Variants in ZNF831 observed in about 807,000 individuals in gnomAD.
The protein encoded by ZNF831 is zinc finger protein 831.
A neutral mutation model predicts 95.8 loss-of-function variants in ZNF831; 59 were observed. That is an observed-to-expected ratio of 0.62 (90% CI 0.50 to 0.77). ZNF831 has a LOEUF of 0.77. Ranked by LOEUF, ZNF831 falls within the 30% of genes least tolerant of loss-of-function variation. The probability of loss-of-function intolerance (pLI) is 0.00; values close to 1 mark genes in which losing one functional copy is unlikely to be tolerated. For missense variants in ZNF831, 2,205 were observed against 2,164.0 expected (o/e 1.02, Z -0.38); for synonymous variants, 961 against 925.5 (o/e 1.04, Z -0.70).
In ZNF831 at chr20:59,191,683, G is replaced by A. The variant is rs1210778443; in HGVS notation, c.664G>A (p.Glu222Lys). The change falls in exon 2 of 6, where the codon GAG becomes AAG. Residue 222 changes from glutamate to lysine, a missense_variant. By Grantham distance (56) the Glu-to-Lys change is moderately conservative. Coordinates refer to ENST00000371030, the MANE Select transcript of ZNF831 (RefSeq NM_178457.3). ...CCTGGAGGAAGGGGACAAGGCCGGAGAGCCCCCCAGACCAGAGGGCAGGGG... is the reference window on the plus strand; with the variant it reads ...CCTGGAGGAAGGGGACAAGGCCGGAAAGCCCCCCAGACCAGAGGGCAGGGG... The part of the protein sequence containing the change: ...GLLEEGDKAG[E>K]PPRPEGRGES... 1.6e-5 allele frequency: 25 copies of A among 1,558,736 alleles called. No homozygotes were observed. Among genetic ancestry groups the A allele is most frequent in the South Asian group, 7.3e-5 (6 of 81,864 alleles).
chr20:59,250,432 C>T (rs924808695), intron 4 of ZNF831, among the ~76,000 whole-genome samples: 5 of 152,162 alleles, frequency 3.3e-5, no homozygotes, highest in Non-Finnish European at 7.3e-5. Context: ...ACAGGGCAAC[C>T]ACATAACCTA....
chr20:59,177,689 G>A (rs1056119990), intron 1 of ZNF831, among the ~76,000 whole-genome samples: 3 of 152,172 alleles, frequency 2.0e-5, no homozygotes, highest in African/African-American at 2.4e-5. Context: ...GGACGAGGAC[G>A]GTCTCTCCTG....
At chr20:59,142,536 G>A (rs1979715509) in intron 1 of ZNF831, among the ~76,000 whole-genome samples, 2 of 152,206 alleles carry the variant, frequency 1.3e-5, no homozygotes, top group Admixed American at 1.3e-4. Context: ...ACGTTAGGGT[G>A]CGCAGAACCT....
chr20:59,186,451 T>A (rs1983047703), intron 1 of ZNF831, among the ~76,000 whole-genome samples: 1 of 152,042 alleles, frequency 6.6e-6, no homozygotes, highest in South Asian at 2.1e-4. Context: ...ATGGAGCGCT[T>A]ACTCTGTGCT....
At chr20:59,209,673 T>C (rs1985155157) in intron 4 of ZNF831, among the ~76,000 whole-genome samples, 1 of 152,206 alleles carries the variant, frequency 6.6e-6, no homozygotes, top group African/African-American at 2.4e-5. Context: ...AACTGGATTC[T>C]CTCCCAGTTT....
intron 2 of ZNF831, among the ~76,000 whole-genome samples, chr20:59,195,535 C>T (rs886938146): frequency 2.6e-5 from 4 of 152,110 alleles, no homozygotes; most frequent in Admixed American, 2.6e-4. Context: ...GCGGGTTAGT[C>T]AGTAGGGCCC....
Position 59,191,719 on chromosome 20 carries a change from T to G in ZNF831, c.700T>G (p.Cys234Gly), listed in dbSNP as rs778980809. ...ACCAGAGGGCAGGGGCGAGAGCAGG[T>G]GCCAGGGGATGCACGAAGGCGCCTC... ...PRPEGRGESR[C>G]QGMHEGASER... Residue 234 changes from cysteine to glycine, a missense_variant, in exon 2 of 6, where the codon TGC becomes GGC. Transcript: ENST00000371030. 7.6e-6 allele frequency: 12 copies of G among 1,580,082 alleles called. No individual in the cohort carries two copies. The highest frequency in any genetic ancestry group is 9.5e-6 in the Non-Finnish European group (11 of 1,162,310).
intron 3 of ZNF831, 40 bp downstream of exon 3, chr20:59,196,045 C>CAAGAAG: frequency 6.2e-7 from 1 of 1,604,246 alleles, no homozygotes. Flanking sequence ...CACAAAACCC[C>CAAGAAG]AAGAAGAATT....
In ZNF831 at chr20:59,217,380, A is replaced by G. The variant is rs1052278684; in HGVS notation, c.4027+10324A>G. ...TCTCCTATTAACGAAGAGTTTGGTCATCACCAGTGTTTCACACTTGCATCA... is the reference window on the plus strand; with the variant it reads ...TCTCCTATTAACGAAGAGTTTGGTCGTCACCAGTGTTTCACACTTGCATCA... On this transcript the variant is annotated intron_variant, in intron 4 of 5. Transcript: ENST00000371030. This position sits in a 1 kb window ranked among gnomAD's most constrained non-coding sequence, Gnocchi z 4.4. 6.6e-6 allele frequency among the ~76,000 whole-genome samples: 1 copy of G among 152,262 alleles called. No individual in the cohort carries two copies. Among genetic ancestry groups the G allele is most frequent in the African/African-American group, 2.4e-5 (1 of 41,476 alleles).
chr20:59,173,094 G>C (rs1295679945), intron 1 of ZNF831, among the ~76,000 whole-genome samples: 1 of 152,162 alleles, frequency 6.6e-6, no homozygotes, highest in Non-Finnish European at 1.5e-5. Context: ...CAGGAAGTCT[G>C]GCCTCTGTGG....
intron 4 of ZNF831, among the ~76,000 whole-genome samples, chr20:59,209,671 TC>T (rs1391713391): frequency 6.6e-6 from 1 of 152,174 alleles, no homozygotes; most frequent in African/African-American, 2.4e-5. Flanking sequence ...AAAACTGGAT[TC>T]TCTCCCAGTT....
At chr20:59,207,167 G>C (rs2061241822) in intron 4 of ZNF831, 111 bp downstream of exon 4, 1 of 1,355,444 alleles carries the variant, frequency 7.4e-7, no homozygotes, top group Non-Finnish European at 1.0e-6. Context: ...TGCCACAGGG[G>C]TCAGGCCCAA....
intron 1 of ZNF831, among the ~76,000 whole-genome samples, chr20:59,135,029 C>T (rs1979459972): frequency 6.6e-6 from 1 of 152,028 alleles, no homozygotes. Flanking sequence ...CACCAGCTAC[C>T]CCAGCAGTCC....
At chr20:59,138,491 C>T (rs1029728208) in intron 1 of ZNF831, among the ~76,000 whole-genome samples, 1 of 152,226 alleles carries the variant, frequency 6.6e-6, no homozygotes, top group Non-Finnish European at 1.5e-5. Context: ...TGCACTCTTG[C>T]TTGCTCTCTG....
Position 59,192,776 on chromosome 20 carries a change from A to T in ZNF831, c.1757A>T (p.Asp586Val), listed in dbSNP as rs2146571468. 6.2e-7 allele frequency: 1 copy of T among 1,612,598 alleles called. No individual in the cohort carries two copies. Among genetic ancestry groups the T allele is most frequent in the South Asian group, 1.1e-5 (1 of 91,036 alleles). Residue 586 changes from aspartate to valine, a missense_variant, in exon 2 of 6, where the codon GAC becomes GTC. Asp to Val is a radical substitution (Grantham distance 152, BLOSUM62 -3). Coordinates refer to ENST00000371030, the MANE Select transcript of ZNF831 (RefSeq NM_178457.3). This position sits in a 1 kb window ranked among gnomAD's most constrained non-coding sequence, Gnocchi z 5.2. ...GCCCTGGTGCCCGCAGAGGACACAGACGCAAAGAGAACTGCTGCGCGGGAG... is the reference window on the plus strand; with the variant it reads ...GCCCTGGTGCCCGCAGAGGACACAGTCGCAAAGAGAACTGCTGCGCGGGAG... Reference protein sequence around the residue: ...GDALVPAEDTDAKRTAAREAM... With the variant: ...GDALVPAEDTVAKRTAAREAM...
At chr20:59,232,791 A>G (rs575319695) in intron 4 of ZNF831, among the ~76,000 whole-genome samples, 14 of 152,310 alleles carry the variant, frequency 9.2e-5, no homozygotes, top group Non-Finnish European at 1.9e-4. Flanking sequence ...GAGATGAGCC[A>G]CGGACCACAG....
intron 3 of ZNF831, among the ~76,000 whole-genome samples, chr20:59,204,534 G>C (rs1234319637): frequency 1.3e-5 from 2 of 152,164 alleles, no homozygotes; most frequent in African/African-American, 4.8e-5. Context: ...TCTTTGCTTT[G>C]TTCTTCTCTG....
intron 2 of ZNF831, among the ~76,000 whole-genome samples, chr20:59,157,502 A>G (rs1469675941): frequency 6.6e-6 from 1 of 152,148 alleles, no homozygotes; most frequent in East Asian, 1.9e-4. Context: ...TACAGTGAGA[A>G]CATACTCAGA....
Position 59,169,319 on chromosome 20 carries a change from C to T in ZNF831, c.-37+5112C>T, listed in dbSNP as rs1208701187. ...AGGAATTGGTCCACTTCATCTAAGT[C>T]ATCAAATTTATGTGAGCTGAGTTAT... On this transcript the variant is annotated intron_variant, in intron 1 of 5. Coordinates refer to ENST00000371030, the MANE Select transcript of ZNF831 (RefSeq NM_178457.3). The surrounding 1 kb of genome is among the most constrained non-coding windows in gnomAD (Gnocchi z 4.1). Among the ~76,000 whole-genome samples, 2 of 152,178 alleles carry T rather than the reference C, an allele frequency of 1.3e-5. No homozygotes were observed. The highest frequency in any genetic ancestry group is 2.9e-5 in the Non-Finnish European group (2 of 68,046).
Sources: allele counts gnomAD v4.1 joint callset (sites outside exome capture counted in the v4.1 genomes callset), GRCh38; gene constraint gnomAD v4.1.1; non-coding constraint Gnocchi (gnomAD v3.1); transcripts MANE v1.5; gene names NCBI Gene and HGNC (gene_info 2026-07-23, HGNC 2026-07-21).